The following HCFC2 variants were observed in gnomAD, a reference collection of about 807,000 sequenced individuals.
The protein encoded by HCFC2 is host cell factor 2.
A neutral mutation model predicts 89.2 loss-of-function variants in HCFC2; 18 were observed. The ratio of observed to expected loss-of-function variants is 0.20; its 90% CI spans 0.14 to 0.30. The LOEUF is 0.30. Among genes scored for constraint, HCFC2 ranks in the 10% least tolerant of loss-of-function variants. HCFC2 has a pLI of 1.00. For synonymous variants in HCFC2, 308 were observed against 335.7 expected, an observed-to-expected ratio of 0.92 and a Z score of 0.90; for missense variants, 578 against 956.1, an observed-to-expected ratio of 0.60 and a Z score of 5.21.
rs772412250 is a variant in HCFC2, at chr12:104,102,161, A to G, written c.2064+8A>G. The G allele has an allele frequency of 4.3e-6, 7 of 1,611,906 alleles. No homozygotes were observed. The highest frequency in any genetic ancestry group is 3.3e-5 in the Admixed American group (2 of 59,992). ...GCAGTCAGAATTTCAAAGGTGAGACATCGGGTCAAGACTTGTTGGTGATTT... is the reference window on the plus strand; with the variant it reads ...GCAGTCAGAATTTCAAAGGTGAGACGTCGGGTCAAGACTTGTTGGTGATTT... On this transcript the variant is annotated splice_region_variant and intron_variant, in intron 14 of 14. Coordinates refer to ENST00000229330, the MANE Select transcript of HCFC2 (RefSeq NM_013320.3).
chr12:104,077,615 T>C (rs544190965), intron 3 of HCFC2, among the ~76,000 whole-genome samples: 21 of 151,968 alleles, frequency 1.4e-4, no homozygotes, highest in African/African-American at 4.1e-4. Flanking sequence ...TGCTTTTTTT[T>C]CCCATTTCTT....
intron 11 of HCFC2, 127 bp from the exon 12 acceptor site, chr12:104,096,232 CA>C: frequency 3.9e-6 from 2 of 519,028 alleles, no homozygotes; most frequent in Non-Finnish European, 6.8e-6. Context: ...ATACATGTAA[CA>C]TAAAATTTGC....
chr12:104,103,259 G>A lies in HCFC2; in HGVS notation c.2365G>A (p.Ala789Thr), dbSNP rs1041891214. ...GTGGCTTCAAGGTAACAATAAGAAA[G>A]CACCTTTAAATTGAATTGGTTTTTT... is the stretch of plus-strand genomic sequence containing the variant. ...VRWLQGNNKK[A>T]PLN is the part of the protein sequence containing the mutation. Residue 789 changes from alanine to threonine, a missense_variant, in exon 15 of 15, where the codon GCA becomes ACA. This residue lies in a region of HCFC2 where 140 missense variants were observed against 266.4 expected (regional missense o/e 0.53). Coordinates refer to ENST00000229330, the MANE Select transcript of HCFC2 (RefSeq NM_013320.3). The A allele has an allele frequency of 3.1e-6, 5 of 1,609,072 alleles. No individual in the cohort carries two copies. In the African/African-American group the frequency reaches 6.7e-5, roughly 22 times the overall value.
intron 9 of HCFC2, among the ~76,000 whole-genome samples, chr12:104,088,861 A>G (rs201507381): frequency 1.3e-5 from 2 of 152,304 alleles, no homozygotes; most frequent in South Asian, 2.1e-4. Flanking sequence ...ATGTGTGTGT[A>G]TCACAAATTT....
chr12:104,096,293 A>T, intron 11 of HCFC2, 67 bp from the exon 12 acceptor site: 2 of 1,072,604 alleles, frequency 1.9e-6, no homozygotes. Flanking sequence ...ATATATATTT[A>T]AAAATTATAT....
chr12:104,080,422 T>C (rs1393242298), intron 4 of HCFC2: 1 of 210,472 alleles, frequency 4.8e-6, no homozygotes, highest in African/African-American at 2.4e-5. Flanking sequence ...GTTGTTATAC[T>C]GTATTATTTA....
Position 104,086,831 on chromosome 12 carries a change from C to T in HCFC2, c.1064-16C>T, listed in dbSNP as rs1454381084. The T allele has an allele frequency of 1.2e-6, 2 of 1,610,094 alleles. No individual in the cohort carries two copies. The highest frequency in any genetic ancestry group is 1.7e-5 in the Admixed American group (1 of 59,862). On this transcript the variant is annotated splice_polypyrimidine_tract_variant and intron_variant, in intron 7 of 14. Transcript: ENST00000229330. ...CACTGGAAACTTAAATGTATAATAT[C>T]ATGATTGTTCTATAGAGAAACCACC...
In HCFC2 at chr12:104,102,171, G is replaced by A; in HGVS notation, c.2064+18G>A. 1 of 1,599,624 alleles carries A rather than the reference G, an allele frequency of 6.3e-7. No homozygotes were observed. The highest frequency in any genetic ancestry group is 8.5e-7 in the Non-Finnish European group (1 of 1,170,702). ...TTTCAAAGGTGAGACATCGGGTCAA[G>A]ACTTGTTGGTGATTTTAAATTATTT... On this transcript the variant is annotated intron_variant, in intron 14 of 14. Transcript: ENST00000229330.
intron 2 of HCFC2, among the ~76,000 whole-genome samples, chr12:104,066,732 A>G (rs1245754415): frequency 1.3e-5 from 2 of 152,212 alleles, no homozygotes; most frequent in Non-Finnish European, 2.9e-5. Flanking sequence ...AGAGTTTCTG[A>G]GTCAGAGGAA....
chr12:104,088,739 G>T (rs1026492093), intron 9 of HCFC2, among the ~76,000 whole-genome samples: 2 of 152,072 alleles, frequency 1.3e-5, no homozygotes, highest in Non-Finnish European at 1.5e-5. Context: ...TGTCAGGAAG[G>T]GGTTATTACA....
rs1412749101 is a variant in HCFC2, at chr12:104,067,934, T to G, written c.313-13T>G. The G allele has an allele frequency of 1.6e-6, 1 of 623,844 alleles. No individual in the cohort carries two copies. The highest frequency in any genetic ancestry group is 4.2e-5 in the Admixed American group (1 of 23,828). 38.6% of individuals were successfully genotyped at this position (623,844 alleles called of 1,614,324 possible). On this transcript the variant is annotated splice_polypyrimidine_tract_variant and intron_variant, in intron 2 of 14. Transcript: ENST00000229330. Reference sequence around the variant, plus strand: ...ATTTTGTCTGACTGTATTTGTGCCCTTTTTTTTTTTAGGCAAGTCGTTGGT... The same window carrying G: ...ATTTTGTCTGACTGTATTTGTGCCCGTTTTTTTTTTAGGCAAGTCGTTGGT...
At chr12:104,079,291 T>C (rs1296570471) in intron 3 of HCFC2, among the ~76,000 whole-genome samples, 154 bp from the exon 4 acceptor site, 1 of 152,234 alleles carries the variant, frequency 6.6e-6, no homozygotes, top group East Asian at 1.9e-4. Context: ...GTATGTATTG[T>C]ATGAATGAGG....
At chr12:104,090,227 A>G (rs984992827) in intron 9 of HCFC2, among the ~76,000 whole-genome samples, 14 of 152,160 alleles carry the variant, frequency 9.2e-5, no homozygotes, top group Admixed American at 6.5e-5. Context: ...AGAATCCTAT[A>G]TTGGAAGTTT....
At chr12:104,099,814 A>G (rs1347470908) in intron 13 of HCFC2, among the ~76,000 whole-genome samples, 3 of 152,054 alleles carry the variant, frequency 2.0e-5, no homozygotes, top group African/African-American at 7.2e-5. Context: ...TACAGGGACA[A>G]GCCACCATGA....
At chr12:104,097,803 T>A (rs574814854) in intron 12 of HCFC2, 2 of 181,362 alleles carry the variant, frequency 1.1e-5, no homozygotes, top group African/African-American at 4.8e-5. Flanking sequence ...AATATACTCC[T>A]CTTTAGTATA....
intron 7 of HCFC2, 72 bp downstream of exon 7, chr12:104,082,973 A>G (rs1593600382): frequency 9.4e-7 from 1 of 1,059,922 alleles, no homozygotes; most frequent in East Asian, 2.4e-5. Context: ...TTTGAGACTT[A>G]CTGTAAATGC....
intron 13 of HCFC2, among the ~76,000 whole-genome samples, chr12:104,100,236 T>G (rs538894943): frequency 2.0e-5 from 3 of 152,088 alleles, no homozygotes; most frequent in Non-Finnish European, 4.4e-5. Context: ...AAATTAGACA[T>G]TTAAGCTTCT....
chr12:104,095,405 A>G lies in HCFC2; in HGVS notation c.1508A>G (p.Asp503Gly). The G allele has an allele frequency of 6.2e-7, 1 of 1,613,686 alleles. No homozygotes were observed. Among genetic ancestry groups the G allele is most frequent in the South Asian group, 1.1e-5 (1 of 91,060 alleles). The change falls in exon 11 of 15, where the codon GAT becomes GGT. Residue 503 changes from aspartate to glycine, a missense_variant. By Grantham distance (94) the Asp-to-Gly change is moderately conservative. Around this residue, in one of 4 missense-constraint regions of HCFC2, gnomAD observed 210 missense variants for 251.7 expected, o/e 0.83. Transcript: ENST00000229330. The surrounding 1 kb of genome is among the most constrained non-coding windows in gnomAD (Gnocchi z 4.2). Reference protein sequence around the residue: ...ANVGVLSSCLDVRTVIPETSV... With the variant: ...ANVGVLSSCLGVRTVIPETSV... ...GTAGGTGTTCTAAGTAGTTGCCTGG[A>G]TGTAAGAACAGTAATTCCTGAAACA...
At position 104,086,608 on chromosome 12, in the gene HCFC2, AT is replaced by A. The variant is rs1176963916; in HGVS notation, c.1064-236del. On this transcript the variant is annotated intron_variant, in intron 7 of 14. Transcript: ENST00000229330. ...ACTGGATTGTTTTGTTTATAGATAT[AT>A]TTGTCTAAGAAAATAAATAAATAAA... 1.8e-4 allele frequency among the ~76,000 whole-genome samples: 25 copies of A among 140,024 alleles called. No individual in the cohort carries two copies. The Admixed American group carries it at 2.0e-3, about 11-fold the overall frequency. 91.9% of individuals were successfully genotyped at this position (140,024 alleles called of 152,430 possible).
Sources: gnomAD v4.1 joint callset for allele counts (sites outside exome capture counted in the v4.1 genomes callset) on GRCh38, gnomAD v4.1.1 for gene constraint, gnomAD v4.1.1 regional missense constraint, Gnocchi (gnomAD v3.1) non-coding constraint, MANE v1.5 for transcripts, NCBI Gene and HGNC (gene_info 2026-07-23, HGNC 2026-07-21) for gene names.